COQ8B: variants seen among roughly 807,000 people sequenced by gnomAD.
COQ8B encodes the protein coenzyme Q8B.
COQ8B carries 44 observed loss-of-function variants against 62.0 expected under a neutral mutation model. The observed-to-expected ratio is 0.71, with a 90% CI of 0.56 to 0.91. The LOEUF (loss-of-function observed/expected upper bound fraction) is 0.91. COQ8B is among the 40% of genes least tolerant of loss of function. The pLI, the probability that COQ8B is intolerant of heterozygous loss-of-function variation, is 0.00. For synonymous variants in COQ8B, 252 were observed against 289.9 expected, an observed-to-expected ratio of 0.87 and a Z score of 1.33; for missense variants, 649 against 731.6, an observed-to-expected ratio of 0.89 and a Z score of 1.30.
chr19:40,702,729 G>C (rs763442654), intron 9 of COQ8B, 36 bp from the exon 10 acceptor site: 1 of 1,592,238 alleles, frequency 6.3e-7, no homozygotes, highest in Non-Finnish European at 8.5e-7. Context: ...GAAGGGCCCC[G>C]AGCGCCCACT....
At chr19:40,697,565 G>T (rs1031535137) in intron 12 of COQ8B, among the ~76,000 whole-genome samples, 1 of 151,982 alleles carries the variant, frequency 6.6e-6, no homozygotes, top group African/African-American at 2.4e-5. Context: ...GGGAGGCTGA[G>T]GGGGGCGGAT....
intron 5 of COQ8B, among the ~76,000 whole-genome samples, chr19:40,709,633 C>T (rs2082125599): frequency 6.6e-6 from 1 of 152,122 alleles, no homozygotes; most frequent in African/African-American, 2.4e-5. Context: ...ATCATGAGGT[C>T]AGGAGTTGAA....
Position 40,700,556 on chromosome 19 carries a change from G to C in COQ8B, c.894-105C>G, listed in dbSNP as rs576241876. 23 of 1,372,984 alleles carry C rather than the reference G, an allele frequency of 1.7e-5. 1 individual carries two copies. The Admixed American group carries it at 2.9e-4, about 17-fold the overall frequency. The allele number at this position is 1,372,984 out of a possible 1,614,324, so 85.1% of individuals were successfully genotyped here. ...CAGAAGTCCTCCATGAACAGTCTGC[G>C]CCATGCCCTCCCTCCTGCCCATCTC... On this transcript the variant is annotated intron_variant, in intron 10 of 14. Transcript: ENST00000324464.
At chr19:40,714,777 T>G (rs1254203981) in intron 1 of COQ8B, 142 bp from the exon 2 acceptor site, 3 of 1,316,146 alleles carry the variant, frequency 2.3e-6, no homozygotes, top group Non-Finnish European at 3.0e-6. Context: ...CAGTTTCTCC[T>G]GGTTCTCCCC....
chr19:40,708,798 A>G (rs1318351196), intron 5 of COQ8B, among the ~76,000 whole-genome samples: 3 of 151,948 alleles, frequency 2.0e-5, no homozygotes, highest in African/African-American at 4.8e-5. Flanking sequence ...GCGTGGTGGC[A>G]CGTGTCTATA....
intron 5 of COQ8B, among the ~76,000 whole-genome samples, chr19:40,708,875 A>T (rs2082120121): frequency 6.6e-6 from 1 of 151,836 alleles, no homozygotes; most frequent in South Asian, 2.1e-4. Context: ...GGCTGCAGTG[A>T]GCCATGATCG....
chr19:40,710,392 G>C (rs144060535), intron 4 of COQ8B, among the ~76,000 whole-genome samples: 2 of 152,110 alleles, frequency 1.3e-5, no homozygotes, highest in African/African-American at 2.4e-5. Flanking sequence ...TTACAGGCAC[G>C]CGCCCACCAC....
chr19:40,713,833 C>T (rs188916589), intron 4 of COQ8B, among the ~76,000 whole-genome samples: 2 of 149,770 alleles, frequency 1.3e-5, no homozygotes, highest in East Asian at 2.0e-4. Context: ...GCAGTGATCG[C>T]GCCACTGCAC....
At chr19:40,696,943 CCT>C (rs1319629460) in intron 12 of COQ8B, among the ~76,000 whole-genome samples, 1 of 152,092 alleles carries the variant, frequency 6.6e-6, no homozygotes, top group African/African-American at 2.4e-5. Flanking sequence ...GCGATTTATC[CCT>C]GTTGCCATGT....
chr19:40,708,171 C>T (rs1002933086), intron 5 of COQ8B: 2 of 152,090 alleles, frequency 1.3e-5, no homozygotes, highest in Non-Finnish European at 2.9e-5. Flanking sequence ...CACAGCACAA[C>T]AAAGCAATTC....
chr19:40,708,286 A>C (rs1488481731), intron 5 of COQ8B: 1 of 151,752 alleles, frequency 6.6e-6, no homozygotes, highest in Non-Finnish European at 1.5e-5. Flanking sequence ...AGAAGTTCAA[A>C]GCTGCAGTGA....
Position 40,700,062 on chromosome 19 carries a change from C to A in COQ8B, c.1143+5G>T. 1 of 1,613,970 alleles carries A rather than the reference C, an allele frequency of 6.2e-7. No individual in the cohort carries two copies. The highest frequency in any genetic ancestry group is 8.5e-7 in the Non-Finnish European group (1 of 1,179,794). ...GTACCCAGACACACATCACTAGGAACCAACCTGGTGGCTGGAGGCATCATA... is the reference window on the plus strand; with the variant it reads ...GTACCCAGACACACATCACTAGGAAACAACCTGGTGGCTGGAGGCATCATA... On this transcript the variant is annotated splice_donor_5th_base_variant and intron_variant, in intron 12 of 14. Transcript: ENST00000324464.
intron 12 of COQ8B, among the ~76,000 whole-genome samples, chr19:40,699,745 C>T (rs1024839233): frequency 7.9e-5 from 12 of 152,208 alleles, no homozygotes; most frequent in African/African-American, 2.9e-4. Context: ...GGAATGGCAA[C>T]GGAAGTGCTA....
chr19:40,702,543 A>G (rs962183968), intron 10 of COQ8B, 57 bp downstream of exon 10: 1 of 1,543,752 alleles, frequency 6.5e-7, no homozygotes, highest in Non-Finnish European at 8.9e-7. Context: ...GGGGGCAGCT[A>G]CTTCCCACCC....
chr19:40,710,992 G>A (rs1429433261), intron 4 of COQ8B, among the ~76,000 whole-genome samples: 3 of 152,020 alleles, frequency 2.0e-5, no homozygotes, highest in Admixed American at 6.6e-5. Flanking sequence ...TCAGCCGGGC[G>A]TGGTGGTGCA....
chr19:40,712,901 C>T lies in COQ8B; in HGVS notation c.289+1166G>A, dbSNP rs532284703. On this transcript the variant is annotated intron_variant, in intron 4 of 14. Coordinates refer to ENST00000324464, the MANE Select transcript of COQ8B (RefSeq NM_024876.4). ...CAGCATGTGTGTATATGGGACACTGCACATTACAGGTTCTCAGTAAATGTT... is the reference window on the plus strand; with the variant it reads ...CAGCATGTGTGTATATGGGACACTGTACATTACAGGTTCTCAGTAAATGTT... 5.3e-5 allele frequency among the ~76,000 whole-genome samples: 8 copies of T among 152,326 alleles called. No individual in the cohort carries two copies. In the East Asian group the frequency reaches 1.5e-3, roughly 29 times the overall value.
At chr19:40,710,000 C>A (rs2082128506) in intron 5 of COQ8B, 59 bp downstream of exon 5, 21 of 1,584,822 alleles carry the variant, frequency 1.3e-5, no homozygotes, top group Non-Finnish European at 1.6e-5. Flanking sequence ...GGTGAAGTCA[C>A]TTGCCCCAGG....
intron 5 of COQ8B, among the ~76,000 whole-genome samples, chr19:40,708,527 C>T (rs1021326850): frequency 6.6e-6 from 1 of 151,912 alleles, no homozygotes; most frequent in Non-Finnish European, 1.5e-5. Flanking sequence ...AGAGGTGCAG[C>T]ACCTATCCCT....
intron 6 of COQ8B, 43 bp from the exon 7 acceptor site, chr19:40,705,224 G>A (rs1568440986): frequency 1.9e-6 from 3 of 1,607,828 alleles, no homozygotes. Context: ...GCGAAGAGGT[G>A]AGGAGGGACC....
Sources: gnomAD v4.1 joint callset for allele counts (sites outside exome capture counted in the v4.1 genomes callset) on GRCh38, gnomAD v4.1.1 for gene constraint, MANE v1.5 for transcripts, NCBI Gene and HGNC (gene_info 2026-07-23, HGNC 2026-07-21) for gene names.